PTPN9: variants seen among roughly 807,000 people sequenced by gnomAD.
PTPN9 encodes tyrosine-protein phosphatase non-receptor type 9.
A neutral mutation model predicts 69.8 loss-of-function variants in PTPN9; 26 were observed. The observed-to-expected ratio is 0.37, with a 90% confidence interval of 0.27 to 0.52. The LOEUF is 0.52. Ranked by LOEUF, PTPN9 falls within the 20% of genes least tolerant of loss-of-function variation. The pLI is 0.91. For synonymous variants in PTPN9, 274 were observed against 272.5 expected (o/e 1.01, Z -0.05); for missense variants, 549 against 740.3 (o/e 0.74, Z 3.00).
intron 1 of PTPN9, among the ~76,000 whole-genome samples, chr15:75,568,637 C>A (rs1334887844): frequency 1.3e-5 from 2 of 151,368 alleles, no homozygotes; most frequent in African/African-American, 4.9e-5. Flanking sequence ...GAGTTCGGGA[C>A]CAGCCTAGGC....
chr15:75,502,324 A>G (rs1324165243), intron 7 of PTPN9, among the ~76,000 whole-genome samples: 2 of 151,878 alleles, frequency 1.3e-5, no homozygotes, highest in Non-Finnish European at 2.9e-5. Context: ...GTGCGCGCCT[A>G]TAATTCCAGC....
intron 1 of PTPN9, among the ~76,000 whole-genome samples, chr15:75,575,010 G>GTTTTTTTTT (rs1567533120): frequency 0.91 from 14,334 of 15,742 alleles, 7,006 homozygotes; most frequent in Admixed American, 0.92. Flanking sequence ...TTGAGACAGA[G>GTTTTTTTTT]GAGACGGAGT....
At chr15:75,557,915 C>A (rs1235766301) in intron 1 of PTPN9, among the ~76,000 whole-genome samples, 8 of 152,178 alleles carry the variant, frequency 5.3e-5, no homozygotes, top group Non-Finnish European at 8.8e-5. Context: ...AGAAAATGGG[C>A]TGGGCGCGGT....
At chr15:75,547,469 CAAAACAAAACAA>C (rs1006728637) in intron 1 of PTPN9, among the ~76,000 whole-genome samples, 14 of 151,678 alleles carry the variant, frequency 9.2e-5, no homozygotes, top group South Asian at 4.2e-4. Flanking sequence ...TGGTGGCAGA[CAAAACAAAACAA>C]AAAACAAAAC....
At chr15:75,523,271 T>TA (rs756681140) in intron 3 of PTPN9, 26 bp from the exon 4 acceptor site, 3 of 1,606,354 alleles carry the variant, frequency 1.9e-6, no homozygotes, top group African/African-American at 1.3e-5. Flanking sequence ...CAAGAAACAT[T>TA]AAAAAAATCA....
chr15:75,540,894 A>C (rs1435521048), intron 1 of PTPN9, among the ~76,000 whole-genome samples: 1 of 151,822 alleles, frequency 6.6e-6, no homozygotes, highest in Non-Finnish European at 1.5e-5. Context: ...CCTGGGCAAC[A>C]CAGGGAAACC....
At chr15:75,488,709 G>A (rs900529453) in intron 8 of PTPN9, among the ~76,000 whole-genome samples, 4 of 152,094 alleles carry the variant, frequency 2.6e-5, no homozygotes, top group African/African-American at 7.2e-5. Context: ...TGGGAGGATC[G>A]CTTGAGCCCA....
intron 1 of PTPN9, among the ~76,000 whole-genome samples, chr15:75,578,467 G>A (rs1164262261): frequency 2.0e-5 from 3 of 152,202 alleles, no homozygotes; most frequent in African/African-American, 7.2e-5. Context: ...GGGTGCGGAG[G>A]GCACCGTCTG....
intron 8 of PTPN9, among the ~76,000 whole-genome samples, chr15:75,486,550 C>A (rs2074678649): frequency 6.6e-6 from 1 of 152,106 alleles, no homozygotes; most frequent in Non-Finnish European, 1.5e-5. Flanking sequence ...TATAAGCCAT[C>A]CTGCATGTGG....
At position 75,578,741 on chromosome 15, in the gene PTPN9, C is replaced by T; in HGVS notation, c.36G>A (p.Ala12=). Residue 12 remains alanine, a synonymous_variant, in exon 1 of 13, where the codon GCG becomes GCA. Coordinates refer to ENST00000618819, the MANE Select transcript of PTPN9 (RefSeq NM_002833.4). ...GCTCCTCCTCCGGGGTCAGCTCCGG[C>T]GCCATGTCGGGCCGGGGCGCGGTCG... ...EPATAPRPDM[A]PELTPEEEQA... is the part of the protein sequence containing the mutation. The T allele has an allele frequency of 7.6e-7, 1 of 1,322,496 alleles. No homozygotes were observed. Among genetic ancestry groups the T allele is most frequent in the South Asian group, 2.0e-5 (1 of 49,800 alleles). The allele number at this position is 1,322,496 out of a possible 1,614,324, so 81.9% of individuals were successfully genotyped here.
At chr15:75,480,048 GC>G in intron 8 of PTPN9, 134 bp from the exon 9 acceptor site, 1 of 590,024 alleles carries the variant, frequency 1.7e-6, no homozygotes, top group South Asian at 2.2e-5. Flanking sequence ...GAGTGAAATG[GC>G]CAGCTCAAAC....
chr15:75,512,262 A>G (rs1399928885), intron 5 of PTPN9, among the ~76,000 whole-genome samples: 2 of 151,562 alleles, frequency 1.3e-5, no homozygotes. Flanking sequence ...GAATGCAATC[A>G]TATGATCATA....
intron 7 of PTPN9, among the ~76,000 whole-genome samples, chr15:75,502,440 TC>T (rs1366661554): frequency 4.7e-5 from 7 of 150,022 alleles, no homozygotes; most frequent in Admixed American, 2.0e-4. Context: ...AGAACGAGAC[TC>T]CATCTCAGAA....
intron 7 of PTPN9, among the ~76,000 whole-genome samples, chr15:75,503,559 C>A (rs1465963546): frequency 8.8e-6 from 1 of 113,198 alleles, no homozygotes; most frequent in Non-Finnish European, 1.9e-5. Flanking sequence ...GGGTCAGCCC[C>A]CCGCCCGGCC....
intron 10 of PTPN9, 54 bp from the exon 11 acceptor site, chr15:75,470,884 AC>A (rs2074560434): frequency 1.9e-6 from 3 of 1,581,946 alleles, no homozygotes; most frequent in Non-Finnish European, 2.6e-6. Context: ...CACAGCAGTA[AC>A]CTGGCTTCCC....
intron 1 of PTPN9, among the ~76,000 whole-genome samples, chr15:75,541,404 TA>T (rs2075008230): frequency 6.7e-6 from 1 of 149,162 alleles, no homozygotes; most frequent in African/African-American, 2.5e-5. Context: ...TTATTATTAT[TA>T]ATTAATTAAT....
intron 4 of PTPN9, among the ~76,000 whole-genome samples, chr15:75,520,430 G>C (rs2074896612): frequency 7.2e-6 from 1 of 138,704 alleles, no homozygotes; most frequent in Non-Finnish European, 1.6e-5. Flanking sequence ...CACACTTTAG[G>C]GTATAGAATA....
At chr15:75,513,718 G>A (rs917539690) in intron 5 of PTPN9, among the ~76,000 whole-genome samples, 1 of 151,978 alleles carries the variant, frequency 6.6e-6, no homozygotes, top group Non-Finnish European at 1.5e-5. Context: ...AGTGAGCTGA[G>A]ATCAGGCCAT....
intron 9 of PTPN9, among the ~76,000 whole-genome samples, chr15:75,475,749 T>C (rs1280797048): frequency 6.6e-6 from 1 of 152,164 alleles, no homozygotes; most frequent in Non-Finnish European, 1.5e-5. Context: ...AGCACTAACA[T>C]GATACTGGAA....
Sources: allele counts gnomAD v4.1 joint callset (sites outside exome capture counted in the v4.1 genomes callset), GRCh38; gene constraint gnomAD v4.1.1; transcripts MANE v1.5; gene names NCBI Gene and HGNC (gene_info 2026-07-23, HGNC 2026-07-21).